Variants in NSMCE2 observed in about 807,000 individuals in gnomAD.
The protein encoded by NSMCE2 is E3 SUMO-protein ligase NSE2.
Under a neutral mutation model 23.8 loss-of-function variants are expected in NSMCE2, and 24 were observed. The observed-to-expected ratio is 1.01, with a 90% CI of 0.73 to 1.42. NSMCE2 has a LOEUF of 1.42. NSMCE2 is among the 40% of genes most tolerant of loss of function. The pLI is 0.00. For synonymous variants in NSMCE2, 92 were observed against 94.1 expected (o/e 0.98, Z 0.13); for missense variants, 284 against 296.5 (o/e 0.96, Z 0.31).
chr8:125,136,298 C>T (rs1367842600), intron 3 of NSMCE2, among the ~76,000 whole-genome samples: 5 of 151,476 alleles, frequency 3.3e-5, no homozygotes, highest in Admixed American at 2.0e-4. Context: ...AAGGAAATGA[C>T]GAAGGAAACA....
intron 5 of NSMCE2, among the ~76,000 whole-genome samples, chr8:125,284,215 A>C (rs1300717899): frequency 3.3e-5 from 5 of 152,042 alleles, no homozygotes; most frequent in African/African-American, 9.7e-5. Flanking sequence ...AAAAAGAAAA[A>C]AAATTTTAAG....
chr8:125,122,576 G>C (rs1819322463), intron 3 of NSMCE2, among the ~76,000 whole-genome samples: 1 of 151,922 alleles, frequency 6.6e-6, no homozygotes, highest in Non-Finnish European at 1.5e-5. Flanking sequence ...TTTCTCTGTT[G>C]AGTGCTTTGA....
At chr8:125,262,430 T>A (rs1586687214) in intron 5 of NSMCE2, among the ~76,000 whole-genome samples, 1 of 152,036 alleles carries the variant, frequency 6.6e-6, no homozygotes, top group Non-Finnish European at 1.5e-5. Flanking sequence ...TCTCAAAAAA[T>A]AAATAAATAA....
chr8:125,115,960 C>T (rs139808185), intron 3 of NSMCE2, among the ~76,000 whole-genome samples: 185 of 152,254 alleles, frequency 1.2e-3, no homozygotes, highest in African/African-American at 4.3e-3. Context: ...GGAAATTAGG[C>T]TCATTGAATT....
At chr8:125,331,101 A>G (rs1477799645) in intron 5 of NSMCE2, among the ~76,000 whole-genome samples, 2 of 152,148 alleles carry the variant, frequency 1.3e-5, no homozygotes, top group African/African-American at 4.8e-5. Context: ...AGAGATCGAG[A>G]CCATCCTGGC....
At position 125,124,909 on chromosome 8, in the gene NSMCE2, C is replaced by T. The variant is rs552206098; in HGVS notation, c.157+22422C>T. 3.1e-3 allele frequency among the ~76,000 whole-genome samples: 468 copies of T among 152,220 alleles called. 3 individuals are homozygous for T. The highest frequency in any genetic ancestry group is 0.011 in the African/African-American group (450 of 41,532). ...TCCTGGGTTCAAGCAATTATCCTGC[C>T]TCAGCCTCCTGAGTAGCTGGGACTA... On this transcript the variant is annotated intron_variant, in intron 3 of 7. Coordinates refer to ENST00000287437, the MANE Select transcript of NSMCE2 (RefSeq NM_173685.4).
At position 125,305,702 on chromosome 8, in the gene NSMCE2, C is replaced by T. The variant is rs571301081; in HGVS notation, c.419-51517C>T. On this transcript the variant is annotated intron_variant, in intron 5 of 7. Transcript: ENST00000287437. ...CAACCTAGTTTAGAAACTCGTATAC[C>T]TGCATACTCAGTTTAGGAGTTTAGA... is the stretch of plus-strand genomic sequence containing the variant. Among the ~76,000 whole-genome samples the T allele has an allele frequency of 2.0e-5, 3 of 152,250 alleles. No homozygotes were observed. In the East Asian group the frequency reaches 5.8e-4, roughly 29 times the overall value.
At chr8:125,116,573 T>C (rs1262413139) in intron 3 of NSMCE2, among the ~76,000 whole-genome samples, 1 of 152,112 alleles carries the variant, frequency 6.6e-6, no homozygotes, top group African/African-American at 2.4e-5. Context: ...TGTGTGTGCG[T>C]GTGTGTGTGC....
At chr8:125,097,642 A>G (rs948798827) in intron 1 of NSMCE2, among the ~76,000 whole-genome samples, 5 of 152,124 alleles carry the variant, frequency 3.3e-5, no homozygotes, top group African/African-American at 7.2e-5. Flanking sequence ...ACATTGTAGC[A>G]TAGTGGGTTT....
intron 5 of NSMCE2, among the ~76,000 whole-genome samples, chr8:125,330,990 G>C (rs2131298143): frequency 6.6e-6 from 1 of 152,288 alleles, no homozygotes; most frequent in South Asian, 2.1e-4. Context: ...GAAAAAGGTG[G>C]TATTGTGTCA....
chr8:125,217,029 A>G (rs1269896980), intron 5 of NSMCE2, among the ~76,000 whole-genome samples: 1 of 152,208 alleles, frequency 6.6e-6, no homozygotes, highest in Admixed American at 6.5e-5. Context: ...CATTTATTCC[A>G]CAAAGATTTA....
chr8:125,156,782 C>T lies in NSMCE2; in HGVS notation c.264+5505C>T, dbSNP rs372986112. 5.9e-5 allele frequency among the ~76,000 whole-genome samples: 9 copies of T among 152,294 alleles called. No homozygotes were observed. The East Asian group carries it at 1.3e-3, about 23-fold the overall frequency. ...AAGGTATAGTTTATCTCAGCTCTCT[C>T]ATTATGCAACTAGTTTTGACTGTTT... is the stretch of plus-strand genomic sequence containing the variant. On this transcript the variant is annotated intron_variant, in intron 4 of 7. Transcript: ENST00000287437.
At chr8:125,216,840 G>A (rs1824609363) in intron 5 of NSMCE2, among the ~76,000 whole-genome samples, 2 of 152,102 alleles carry the variant, frequency 1.3e-5, no homozygotes, top group South Asian at 2.1e-4. Context: ...GGGTAAAGAC[G>A]AGTTAGTGAA....
intron 5 of NSMCE2, among the ~76,000 whole-genome samples, chr8:125,256,129 A>T (rs984773055): frequency 1.3e-5 from 2 of 152,024 alleles, no homozygotes; most frequent in Admixed American, 1.3e-4. Context: ...CTAAAAATAC[A>T]AAAATTAGCT....
chr8:125,265,690 G>T (rs1826881837), intron 5 of NSMCE2, among the ~76,000 whole-genome samples: 3 of 152,146 alleles, frequency 2.0e-5, no homozygotes. Flanking sequence ...CATATGACTT[G>T]TAAGAAGCAG....
intron 5 of NSMCE2, among the ~76,000 whole-genome samples, chr8:125,297,878 T>C (rs1244043982): frequency 6.6e-6 from 1 of 152,080 alleles, no homozygotes; most frequent in Non-Finnish European, 1.5e-5. Context: ...AAAGCAATTA[T>C]GAAATGTATC....
intron 5 of NSMCE2, among the ~76,000 whole-genome samples, chr8:125,196,302 A>G (rs781582026): frequency 4.7e-5 from 7 of 150,200 alleles, no homozygotes; most frequent in African/African-American, 9.9e-5. Context: ...TGCTGCACCC[A>G]TCAACTCGTC....
chr8:125,302,748 G>T (rs1460735151), intron 5 of NSMCE2, among the ~76,000 whole-genome samples: 2 of 152,098 alleles, frequency 1.3e-5, no homozygotes, highest in Non-Finnish European at 2.9e-5. Context: ...AGATCTGAGT[G>T]ATTTCATGAT....
intron 5 of NSMCE2, among the ~76,000 whole-genome samples, chr8:125,323,644 T>G (rs1249420942): frequency 2.0e-5 from 3 of 152,188 alleles, no homozygotes; most frequent in Non-Finnish European, 4.4e-5. Context: ...GAATATAAAC[T>G]TTGAACCATA....
Sources: allele counts gnomAD v4.1 joint callset (sites outside exome capture counted in the v4.1 genomes callset), GRCh38; gene constraint gnomAD v4.1.1; transcripts MANE v1.5; gene names NCBI Gene and HGNC (gene_info 2026-07-23, HGNC 2026-07-21).